The following COPG2 variants were observed in gnomAD, a reference collection of about 807,000 sequenced individuals.
The protein encoded by COPG2 is coat protein complex I subunit gamma 2, also known as coatomer subunit gamma-2.
In COPG2, 37 loss-of-function variants were observed where a neutral mutation model predicts 46.3. The ratio of observed to expected loss-of-function variants is 0.80; its 90% confidence interval spans 0.61 to 1.05. The LOEUF is 1.05. COPG2 is among the 50% of genes least tolerant of loss of function. COPG2 has a pLI of 0.00. For missense variants in COPG2, 427 were observed against 387.8 expected (o/e 1.10, Z -0.85); for synonymous variants, 159 against 129.7 (o/e 1.23, Z -1.53).
At chr7:130,647,027 GTA>G (rs1208913653) in intron 5 of COPG2, among the ~76,000 whole-genome samples, 4 of 59,800 alleles carry the variant, frequency 6.7e-5, no homozygotes, top group African/African-American at 1.1e-4. Context: ...ATATATATGT[GTA>G]TATATATATT....
intron 20 of COPG2, among the ~76,000 whole-genome samples, chr7:130,512,411 A>G (rs1034582808): frequency 2.6e-5 from 4 of 151,950 alleles, no homozygotes; most frequent in African/African-American, 9.7e-5. Flanking sequence ...GTTTGTCCAG[A>G]GAATGGATTA....
chr7:130,660,862 C>A (rs1325503849), intron 4 of COPG2, among the ~76,000 whole-genome samples: 1 of 152,192 alleles, frequency 6.6e-6, no homozygotes, highest in African/African-American at 2.4e-5. Flanking sequence ...ACTGGTTCTA[C>A]CAACTTTTTG....
intron 5 of COPG2, among the ~76,000 whole-genome samples, chr7:130,629,881 C>T (rs1795194651): frequency 6.6e-6 from 1 of 151,254 alleles, no homozygotes; most frequent in Admixed American, 6.6e-5. Context: ...ATCTCTGCTA[C>T]TGTTTTTAAT....
At chr7:130,525,951 A>AAAT (rs1300175997) in intron 20 of COPG2, among the ~76,000 whole-genome samples, 2 of 74,548 alleles carry the variant, frequency 2.7e-5, no homozygotes, top group African/African-American at 1.6e-4. Context: ...GGGAAAGAAG[A>AAAT]AATGAGTGAC....
At chr7:130,519,936 A>G (rs1216472888) in intron 20 of COPG2, among the ~76,000 whole-genome samples, 1 of 152,224 alleles carries the variant, frequency 6.6e-6, no homozygotes, top group African/African-American at 2.4e-5. Context: ...TTAGTGGGAA[A>G]TTTATTTCTT....
chr7:130,623,821 G>A (rs1025812875), intron 5 of COPG2, among the ~76,000 whole-genome samples: 12 of 151,578 alleles, frequency 7.9e-5, no homozygotes, highest in African/African-American at 2.9e-4. Flanking sequence ...CTTGTCTCAA[G>A]GAAAAAAATT....
intron 9 of COPG2, among the ~76,000 whole-genome samples, chr7:130,567,485 AG>A (rs1391869678): frequency 6.6e-6 from 1 of 152,230 alleles, no homozygotes; most frequent in Non-Finnish European, 1.5e-5. Context: ...CATCACAAAA[AG>A]ATCATCACCT....
intron 9 of COPG2, chr7:130,607,665 T>C (rs545464071): frequency 1.9e-6 from 1 of 518,796 alleles, no homozygotes; most frequent in South Asian, 1.4e-5. Flanking sequence ...TTTTGTAGAG[T>C]TTAAAATTCA....
intron 20 of COPG2, among the ~76,000 whole-genome samples, chr7:130,532,689 G>C (rs911005757): frequency 6.6e-6 from 1 of 152,138 alleles, no homozygotes; most frequent in Non-Finnish European, 1.5e-5. Flanking sequence ...AGAGAGAAGG[G>C]TGTGAAAGGT....
chr7:130,532,120 C>T (rs1799832208), intron 20 of COPG2, among the ~76,000 whole-genome samples: 1 of 152,090 alleles, frequency 6.6e-6, no homozygotes, highest in Non-Finnish European at 1.5e-5. Context: ...GCACGTGCAG[C>T]AGGGTTGATG....
chr7:130,575,317 A>T (rs1554446055), intron 9 of COPG2, among the ~76,000 whole-genome samples: 3 of 152,196 alleles, frequency 2.0e-5, no homozygotes, highest in Non-Finnish European at 2.9e-5. Flanking sequence ...GCACCAGATA[A>T]CCTATCAAGG....
intron 4 of COPG2, among the ~76,000 whole-genome samples, chr7:130,659,592 G>A (rs1347385987): frequency 6.6e-6 from 1 of 152,066 alleles, no homozygotes; most frequent in Admixed American, 6.6e-5. Flanking sequence ...CATGTAACAA[G>A]CCAGTAAATC....
intron 5 of COPG2, among the ~76,000 whole-genome samples, chr7:130,632,805 T>TA (rs1795256106): frequency 6.6e-6 from 1 of 152,148 alleles, no homozygotes; most frequent in South Asian, 2.1e-4. Context: ...GCAGGTTTGT[T>TA]ACACAGGTAT....
chr7:130,573,638 C>T (rs531162285), intron 9 of COPG2, among the ~76,000 whole-genome samples: 1 of 152,148 alleles, frequency 6.6e-6, no homozygotes, highest in Non-Finnish European at 1.5e-5. Flanking sequence ...ATCTAACACA[C>T]ATTAATAATA....
In COPG2 at chr7:130,667,375, T is replaced by TA. The variant is rs1340452991; in HGVS notation, c.90+106dup. On this transcript the variant is annotated intron_variant, in intron 2 of 23. Transcript: ENST00000425248. ...CAAATCTATATTCCCTAAACTCTGTTACGTTTCTTGTTTTGCATGTCGTGA... is the reference window on the plus strand; with the variant it reads ...CAAATCTATATTCCCTAAACTCTGTTAACGTTTCTTGTTTTGCATGTCGTGA... The TA allele has an allele frequency of 8.1e-6, 7 of 859,348 alleles. No homozygotes were observed. In the Admixed American group the frequency reaches 1.6e-4, roughly 20 times the overall value. 53.2% of individuals were successfully genotyped at this position (859,348 alleles called of 1,614,324 possible).
intron 11 of COPG2, among the ~76,000 whole-genome samples, chr7:130,562,480 C>T (rs1481231344): frequency 6.6e-6 from 1 of 152,156 alleles, no homozygotes; most frequent in Non-Finnish European, 1.5e-5. Context: ...TTATGTATTG[C>T]CTATGACAAG....
At chr7:130,633,242 T>G (rs551471466) in intron 5 of COPG2, among the ~76,000 whole-genome samples, 22 of 152,328 alleles carry the variant, frequency 1.4e-4, no homozygotes, top group African/African-American at 5.3e-4. Context: ...TGATTTATAA[T>G]CCTTTGGATA....
intron 9 of COPG2, among the ~76,000 whole-genome samples, chr7:130,608,519 GT>G (rs1219258261): frequency 1.3e-5 from 2 of 152,004 alleles, no homozygotes; most frequent in East Asian, 1.9e-4. Context: ...TCGGGTTTTT[GT>G]TTTTTCCTGG....
At position 130,507,288 on chromosome 7, in the gene COPG2, G is replaced by A. The variant is rs114006222; in HGVS notation, c.2471C>T (p.Ser824Leu). ...DKVPENKNSH[S>L]LYLAGIFRGG... ...AAGCTTCTTACCTGCCAGATAGAGC[G>A]AATGGGAATTCTTGTTCTCAGGTAC... Residue 824 changes from serine (S) to leucine (L), a missense_variant, in exon 23 of 24, where the codon TCG becomes TTG. Coordinates refer to ENST00000425248, the MANE Select transcript of COPG2 (RefSeq NM_012133.6). The A allele has an allele frequency of 6.0e-4, 471 of 780,714 alleles. 5 individuals are homozygous for A. In the African/African-American group the frequency reaches 6.2e-3, roughly 10 times the overall value. The allele number at this position is 780,714 out of a possible 1,614,324, so 48.4% of individuals were successfully genotyped here. A position where few individuals can be genotyped will look rare whatever the true frequency, so the allele number is the denominator to read the frequency against.
Sources: allele counts gnomAD v4.1 joint callset (sites outside exome capture counted in the v4.1 genomes callset), GRCh38; gene constraint gnomAD v4.1.1; transcripts MANE v1.5; gene names NCBI Gene and HGNC (gene_info 2026-07-23, HGNC 2026-07-21).